The following TAFA2 variants were observed in gnomAD, a reference collection of about 807,000 sequenced individuals.
The protein encoded by TAFA2 is chemokine-like protein TAFA-2.
A neutral mutation model predicts 18.8 loss-of-function variants in TAFA2; 7 were observed. The observed-to-expected ratio is 0.37, with a 90% confidence interval of 0.21 to 0.70. The LOEUF is 0.70. Ranked by LOEUF, TAFA2 falls within the 30% of genes least tolerant of loss-of-function variation. The pLI is 0.53. For missense variants in TAFA2, 122 were observed against 158.1 expected, an observed-to-expected ratio of 0.77 and a Z score of 1.23; for synonymous variants, 60 against 54.2, an observed-to-expected ratio of 1.11 and a Z score of -0.47.
intron 1 of TAFA2, among the ~76,000 whole-genome samples, chr12:61,906,154 C>A (rs1388598616): frequency 6.6e-6 from 1 of 152,138 alleles, no homozygotes; most frequent in South Asian, 2.1e-4. Context: ...TGCAGAATAT[C>A]ACACTCGGTA....
chr12:62,191,000 C>T (rs889697002), intron 1 of TAFA2, among the ~76,000 whole-genome samples: 1 of 152,084 alleles, frequency 6.6e-6, no homozygotes, highest in Non-Finnish European at 1.5e-5. Context: ...CTCACGGAGC[C>T]TCATTTCGCA....
At chr12:61,993,328 T>A (rs1021433108) in intron 1 of TAFA2, among the ~76,000 whole-genome samples, 3 of 152,310 alleles carry the variant, frequency 2.0e-5, no homozygotes, top group Admixed American at 2.0e-4. Flanking sequence ...CTCTTAAAGT[T>A]TATAAAGAAT....
intron 1 of TAFA2, among the ~76,000 whole-genome samples, chr12:62,006,363 C>T (rs1880549793): frequency 6.6e-6 from 1 of 152,014 alleles, no homozygotes; most frequent in Non-Finnish European, 1.5e-5. Flanking sequence ...CAAACCAAAG[C>T]GCTCCTATAA....
chr12:62,151,423 A>C (rs2062327508), intron 1 of TAFA2, among the ~76,000 whole-genome samples: 1 of 152,248 alleles, frequency 6.6e-6, no homozygotes, highest in Non-Finnish European at 1.5e-5. Flanking sequence ...AGAGAAACTT[A>C]AAATGTGTTC....
chr12:61,910,078 G>A (rs150647985), intron 1 of TAFA2, among the ~76,000 whole-genome samples: 13 of 135,564 alleles, frequency 9.6e-5, no homozygotes, highest in Middle Eastern at 3.6e-3. Context: ...GATGGTGTGC[G>A]TGCTTGTGTG....
intron 1 of TAFA2, among the ~76,000 whole-genome samples, chr12:61,885,733 T>C (rs1354235845): frequency 6.6e-6 from 1 of 152,204 alleles, no homozygotes; most frequent in African/African-American, 2.4e-5. Flanking sequence ...CAGAAATAAT[T>C]TGAAGTTCTC....
chr12:61,942,372 T>G (rs1878070713), intron 1 of TAFA2, among the ~76,000 whole-genome samples: 1 of 150,500 alleles, frequency 6.6e-6, no homozygotes, highest in Admixed American at 6.6e-5. Flanking sequence ...ACAGAAAAAC[T>G]GGAAACTCTA....
chr12:61,785,064 CTATCTA>C (rs963894180), intron 2 of TAFA2, among the ~76,000 whole-genome samples: 3 of 151,460 alleles, frequency 2.0e-5, no homozygotes, highest in African/African-American at 7.3e-5. Context: ...TTATTCCTAT[CTATCTA>C]TAATTGTGTA....
At position 61,842,522 on chromosome 12, in the gene TAFA2, A is replaced by G. The variant is rs1005297690; in HGVS notation, c.106+24798T>C. 8.5e-5 allele frequency among the ~76,000 whole-genome samples: 13 copies of G among 152,178 alleles called. No individual in the cohort carries two copies. In the South Asian group the frequency reaches 2.3e-3, roughly 27 times the overall value. On this transcript the variant is annotated intron_variant, in intron 2 of 4. Transcript: ENST00000416284. ...CAAAGTTAAGAACCTAAGTTTATTC[A>G]GGTTTGTGAGTTTTTATAATGATCC...
chr12:61,901,778 G>A (rs1216915053), intron 1 of TAFA2, among the ~76,000 whole-genome samples: 2 of 152,072 alleles, frequency 1.3e-5, no homozygotes, highest in African/African-American at 4.8e-5. Context: ...AACATCGGGA[G>A]GCAATTTTTG....
At chr12:61,791,759 C>T (rs1190887688) in intron 2 of TAFA2, among the ~76,000 whole-genome samples, 1 of 151,642 alleles carries the variant, frequency 6.6e-6, no homozygotes, top group Non-Finnish European at 1.5e-5. Context: ...AAAACATGTA[C>T]TGTTTGTGGG....
At chr12:61,871,320 C>T (rs1367884977) in intron 1 of TAFA2, among the ~76,000 whole-genome samples, 3 of 152,084 alleles carry the variant, frequency 2.0e-5, no homozygotes, top group Non-Finnish European at 4.4e-5. Flanking sequence ...TCTTCTTTAC[C>T]TTGCAGGACA....
At chr12:61,737,770 C>T (rs1868328272) in intron 4 of TAFA2, among the ~76,000 whole-genome samples, 1 of 151,682 alleles carries the variant, frequency 6.6e-6, no homozygotes, top group African/African-American at 2.4e-5. Flanking sequence ...TTAAAATTAT[C>T]ATTATTCTAT....
intron 1 of TAFA2, among the ~76,000 whole-genome samples, chr12:62,244,833 T>C (rs977320220): frequency 1.4e-4 from 22 of 152,316 alleles, no homozygotes; most frequent in African/African-American, 5.1e-4. Context: ...CTAGTTTTGG[T>C]ATGTTTATTG....
At chr12:62,132,707 G>A (rs1870739560) in intron 1 of TAFA2, among the ~76,000 whole-genome samples, 1 of 151,842 alleles carries the variant, frequency 6.6e-6, no homozygotes, top group Non-Finnish European at 1.5e-5. Context: ...CTAAAAAACA[G>A]GTGATAAGGC....
chr12:61,828,190 T>C (rs182611325), intron 2 of TAFA2, among the ~76,000 whole-genome samples: 69 of 152,040 alleles, frequency 4.5e-4, no homozygotes, highest in Non-Finnish European at 8.7e-4. Context: ...GTGTATCATG[T>C]ATTCTACATG....
At chr12:61,732,441 T>C (rs1870496322) in intron 4 of TAFA2, among the ~76,000 whole-genome samples, 2 of 152,138 alleles carry the variant, frequency 1.3e-5, no homozygotes, top group African/African-American at 2.4e-5. Context: ...GACATGGTCC[T>C]TGCTGTCATG....
intron 2 of TAFA2, among the ~76,000 whole-genome samples, chr12:61,831,660 A>T (rs889049276): frequency 2.0e-5 from 3 of 151,588 alleles, no homozygotes; most frequent in African/African-American, 7.3e-5. Flanking sequence ...GGTCACTAAA[A>T]CTCTTCGATT....
intron 1 of TAFA2, among the ~76,000 whole-genome samples, chr12:62,141,521 C>T (rs1304624509): frequency 6.6e-6 from 1 of 152,084 alleles, no homozygotes; most frequent in Non-Finnish European, 1.5e-5. Context: ...GCTATTCATG[C>T]CATTCAAACA....
Sources: allele counts gnomAD v4.1 joint callset (sites outside exome capture counted in the v4.1 genomes callset), GRCh38; gene constraint gnomAD v4.1.1; transcripts MANE v1.5; gene names NCBI Gene and HGNC (gene_info 2026-07-23, HGNC 2026-07-21).